Variants in CUBN observed in about 807,000 individuals in gnomAD.
The protein encoded by CUBN is cubilin.
A neutral mutation model predicts 405.3 loss-of-function variants in CUBN; 282 were observed. The ratio of observed to expected loss-of-function variants is 0.70; its 90% CI spans 0.63 to 0.77. CUBN has a LOEUF of 0.77. Ranked by LOEUF, CUBN falls within the 30% of genes least tolerant of loss-of-function variation. The probability of loss-of-function intolerance (pLI) is 0.00; values close to 1 mark genes in which losing one functional copy is unlikely to be tolerated. For synonymous variants in CUBN, 1,684 were observed against 1,617.0 expected (o/e 1.04, Z -0.99); for missense variants, 4,514 against 4,475.2 (o/e 1.01, Z -0.25).
At chr10:16,923,131 C>A (rs1249871605) in intron 43 of CUBN, among the ~76,000 whole-genome samples, 1 of 152,088 alleles carries the variant, frequency 6.6e-6, no homozygotes, top group Non-Finnish European at 1.5e-5. Flanking sequence ...AACCACCGTG[C>A]CCAGCCTTAT....
At chr10:17,107,346 G>T (rs963574712) in intron 10 of CUBN, among the ~76,000 whole-genome samples, 5 of 152,052 alleles carry the variant, frequency 3.3e-5, no homozygotes, top group African/African-American at 9.7e-5. Flanking sequence ...AATAATACAA[G>T]GAAATCAATG....
chr10:16,900,670 A>T lies in CUBN; in HGVS notation c.8365T>A (p.Leu2789Met). 6.2e-7 allele frequency: 1 copy of T among 1,614,088 alleles called. No homozygotes were observed. The highest frequency in any genetic ancestry group is 2.2e-5 in the East Asian group (1 of 44,898). ...GTAGCATAAAATCCACCACCTTGCA[A>T]TGAATGGTCTGAGTTAAAAGTCACG... is the stretch of plus-strand genomic sequence containing the variant. Reference protein sequence around the residue: ...LVVTFNSDHSLQGGGFYATWN... With the variant: ...LVVTFNSDHSMQGGGFYATWN... Residue 2789 changes from leucine (L) to methionine (M), a missense_variant, in exon 53 of 67, where the codon TTG becomes ATG. Leu to Met is a conservative substitution (Grantham distance 15). Around this residue, in one of 5 missense-constraint regions of CUBN, gnomAD observed 1,186 missense variants for 1,186.9 expected, o/e 1.00. Transcript: ENST00000377833.
intron 59 of CUBN, among the ~76,000 whole-genome samples, chr10:16,865,487 G>A (rs555793806): frequency 1.3e-5 from 2 of 152,148 alleles, no homozygotes; most frequent in African/African-American, 4.8e-5. Context: ...GGCTGGCTGG[G>A]AGCTTTGAGT....
Position 17,043,920 on chromosome 10 carries a change from G to A in CUBN, c.3736C>T (p.Pro1246Ser). Residue 1246 changes from proline to serine, a missense_variant, in exon 26 of 67, where the codon CCT becomes TCT. Pro to Ser is a moderately conservative substitution (Grantham distance 74). This residue lies in a region of CUBN where 242 missense variants were observed against 309.0 expected (regional missense o/e 0.78). Coordinates refer to ENST00000377833, the MANE Select transcript of CUBN (RefSeq NM_001081.4). ...CTGTCTCCACTAGAACGAATAAGAGGGGGTTTCTCATCCCCACAAAGCTGA... is the reference window on the plus strand; with the variant it reads ...CTGTCTCCACTAGAACGAATAAGAGAGGGTTTCTCATCCCCACAAAGCTGA... ...LTQLCGDEKP[P>S]LIRSSGDSMF... 1 of 1,613,490 alleles carries A rather than the reference G, an allele frequency of 6.2e-7. No homozygotes were observed. The highest frequency in any genetic ancestry group is 1.1e-5 in the South Asian group (1 of 91,068).
In CUBN at chr10:16,874,460, A is replaced by G. The variant is rs138093299; in HGVS notation, c.9150T>C (p.Ser3050=). 6.2e-7 allele frequency: 1 copy of G among 1,614,084 alleles called. No individual in the cohort carries two copies. The highest frequency in any genetic ancestry group is 1.3e-5 in the African/African-American group (1 of 75,056). The change falls in exon 58 of 67, where the codon AGT becomes AGC. Residue 3050 remains serine (S), a synonymous_variant. Transcript: ENST00000377833. ...VFNFSSGIIT[S]PAYSYADYPN... ...GGTAGTCTGCGTATGAATAGGCAGG[A>G]CTTGTGATGATTCCAGAAGAGAAAT...
intron 28 of CUBN, among the ~76,000 whole-genome samples, chr10:17,005,147 T>C (rs977182734): frequency 3.9e-5 from 6 of 152,200 alleles, no homozygotes; most frequent in Non-Finnish European, 8.8e-5. Context: ...GGTCTTTCCC[T>C]GATGGCAGGA....
Position 16,952,352 on chromosome 10 carries a change from A to T in CUBN, c.4893T>A (p.Thr1631=). The change falls in exon 33 of 67, where the codon ACT becomes ACA. Residue 1631 remains threonine, a synonymous_variant. Coordinates refer to ENST00000377833, the MANE Select transcript of CUBN (RefSeq NM_001081.4). ...GGHILTSSFD[T]VSSPRFPANY... Reference sequence around the variant, plus strand: ...TGGCAGGGAACCGTGGAGAGGAAACAGTATCAAATGAGCTGGTGAGGATGT... The same window carrying T: ...TGGCAGGGAACCGTGGAGAGGAAACTGTATCAAATGAGCTGGTGAGGATGT... 1 of 1,613,986 alleles carries T rather than the reference A, an allele frequency of 6.2e-7. No homozygotes were observed. Among genetic ancestry groups the T allele is most frequent in the South Asian group, 1.1e-5 (1 of 91,086 alleles).
At chr10:17,115,199 G>C (rs1218873898) in intron 7 of CUBN, among the ~76,000 whole-genome samples, 3 of 146,464 alleles carry the variant, frequency 2.0e-5, no homozygotes, top group Non-Finnish European at 3.0e-5. Context: ...AGCTGAGATC[G>C]TGCCACTGCA....
At chr10:17,076,230 G>T (rs886831436) in intron 17 of CUBN, among the ~76,000 whole-genome samples, 1 of 152,010 alleles carries the variant, frequency 6.6e-6, no homozygotes, top group African/African-American at 2.4e-5. Flanking sequence ...AACTCATAGG[G>T]CTCAAGGGCC....
At chr10:16,939,501 A>C (rs557319275) in intron 37 of CUBN, among the ~76,000 whole-genome samples, 3 of 152,356 alleles carry the variant, frequency 2.0e-5, no homozygotes, top group Admixed American at 1.3e-4. Flanking sequence ...CATTTAAAGA[A>C]ATTTACAAGA....
At chr10:16,865,029 T>TG (rs1288273728) in intron 59 of CUBN, among the ~76,000 whole-genome samples, 1 of 131,028 alleles carries the variant, frequency 7.6e-6, no homozygotes, top group Non-Finnish European at 1.5e-5. Flanking sequence ...GGTGCTATCT[T>TG]GGGTCACTGG....
At chr10:17,060,309 C>T (rs1279039406) in intron 22 of CUBN, among the ~76,000 whole-genome samples, 1 of 151,786 alleles carries the variant, frequency 6.6e-6, no homozygotes, top group East Asian at 1.9e-4. Context: ...TTAGTAGAAA[C>T]TGGGTTTCTC....
At chr10:17,082,076 T>C (rs1835985461) in intron 17 of CUBN, among the ~76,000 whole-genome samples, 2 of 152,226 alleles carry the variant, frequency 1.3e-5, no homozygotes, top group African/African-American at 4.8e-5. Context: ...CCACATCGGC[T>C]GTCTCTGAAC....
At position 16,840,349 on chromosome 10, in the gene CUBN, T is replaced by C; in HGVS notation, c.10013A>G (p.Gln3338Arg). ...TSQDCTQNYL[Q>R]LQDSPQGHGN... ...TGTTACCTGCGGTGAGTCCTGAAGC[T>C]GTAAGTAATTCTGCGTGCAGTCTTG... The change falls in exon 62 of 67, where the codon CAG becomes CGG. Residue 3338 changes from glutamine to arginine, a missense_variant. Gln to Arg is a conservative substitution (Grantham distance 43). Around this residue, in one of 5 missense-constraint regions of CUBN, gnomAD observed 1,186 missense variants for 1,186.9 expected, o/e 1.00. Transcript: ENST00000377833. The C allele has an allele frequency of 6.2e-7, 1 of 1,614,170 alleles. No individual in the cohort carries two copies. The highest frequency in any genetic ancestry group is 8.5e-7 in the Non-Finnish European group (1 of 1,180,008).
intron 27 of CUBN, among the ~76,000 whole-genome samples, chr10:17,030,620 T>A (rs1392577913): frequency 6.6e-6 from 1 of 152,142 alleles, no homozygotes; most frequent in Admixed American, 6.5e-5. Context: ...GTTCTTTTCT[T>A]AAGAATAAGC....
In CUBN at chr10:17,043,981, T is replaced by C. The variant is rs975321916; in HGVS notation, c.3675A>G (p.Val1225=). The C allele has an allele frequency of 1.9e-6, 3 of 1,612,268 alleles. No homozygotes were observed. The highest frequency in any genetic ancestry group is 2.5e-6 in the Non-Finnish European group (3 of 1,178,902). The change falls in exon 26 of 67, where the codon GTA becomes GTG. Residue 1225 remains valine (V), a splice_region_variant and synonymous_variant. Transcript: ENST00000377833. Reference sequence around the variant, plus strand: ...GAGAGTTGCTACTTGGGCCATCATATACCTTTAAGAAAATATTTTGAATGT... The same window carrying C: ...GAGAGTTGCTACTTGGGCCATCATACACCTTTAAGAAAATATTTTGAATGT... The part of the protein sequence containing the change: ...HPNCTLDYLA[V]YDGPSSNSHL...
rs183808152 is a variant in CUBN at position 17,084,481 on chromosome 10, G to A, written c.2111-20C>T. 172 of 1,608,386 alleles carry A rather than the reference G, an allele frequency of 1.1e-4. 1 individual carries two copies. Among genetic ancestry groups the A allele is most frequent in the Middle Eastern group, 7.8e-4 (4 of 5,104 alleles). On this transcript the variant is annotated intron_variant, in intron 16 of 66. Transcript: ENST00000377833. ...GATCCGCTAAGAACAGGGAAGAGAC[G>A]AACAGGTCATGGCAATGGCATTGCT...
intron 31 of CUBN, among the ~76,000 whole-genome samples, chr10:16,980,680 G>T (rs183830377): frequency 6.6e-6 from 1 of 152,000 alleles, no homozygotes; most frequent in African/African-American, 2.4e-5. Flanking sequence ...ATCACACACC[G>T]GTGCCTGTCG....
At chr10:16,993,019 A>G (rs546267338) in intron 28 of CUBN, among the ~76,000 whole-genome samples, 12 of 152,336 alleles carry the variant, frequency 7.9e-5, no homozygotes, top group African/African-American at 2.6e-4. Flanking sequence ...AGGACATTCT[A>G]TAACAGGATG....
Sources: allele counts gnomAD v4.1 joint callset (sites outside exome capture counted in the v4.1 genomes callset), GRCh38; gene constraint gnomAD v4.1.1; regional missense constraint gnomAD v4.1.1; transcripts MANE v1.5; gene names NCBI Gene and HGNC (gene_info 2026-07-23, HGNC 2026-07-21).